The following HLCS variants were observed in gnomAD, a reference collection of about 807,000 sequenced individuals.
HLCS encodes biotin--protein ligase.
In HLCS, 53 loss-of-function variants were observed where a neutral mutation model predicts 75.0. The ratio of observed to expected loss-of-function variants is 0.71; its 90% CI spans 0.57 to 0.89. The LOEUF (loss-of-function observed/expected upper bound fraction) is 0.89. Ranked by LOEUF, HLCS falls within the 40% of genes least tolerant of loss-of-function variation. HLCS has a pLI of 0.00. For synonymous variants in HLCS, 431 were observed against 428.6 expected, an observed-to-expected ratio of 1.01 and a Z score of -0.07; for missense variants, 966 against 1,074.0, an observed-to-expected ratio of 0.90 and a Z score of 1.41.
intron 6 of HLCS, among the ~76,000 whole-genome samples, chr21:36,782,520 T>C (rs985671540): frequency 1.3e-5 from 2 of 152,104 alleles, no homozygotes; most frequent in Non-Finnish European, 2.9e-5. Context: ...CCTTAAGAGG[T>C]CTGGACCAGT....
At chr21:36,786,291 T>G (rs2083906916) in intron 6 of HLCS, among the ~76,000 whole-genome samples, 1 of 152,100 alleles carries the variant, frequency 6.6e-6, no homozygotes, top group Non-Finnish European at 1.5e-5. Context: ...AGCTTTTTTT[T>G]TTTTTAAATC....
chr21:36,967,844 C>T (rs374935006), upstream of HLCS, among the ~76,000 whole-genome samples: 119 of 151,620 alleles, frequency 7.8e-4, no homozygotes, highest in East Asian at 7.0e-3. Context: ...CTCAGCCTCC[C>T]GAGTAGCTGG....
At chr21:36,840,204 T>C (rs1321844102) in intron 6 of HLCS, among the ~76,000 whole-genome samples, 2 of 152,246 alleles carry the variant, frequency 1.3e-5, no homozygotes, top group Non-Finnish European at 2.9e-5. Flanking sequence ...AATAGCCATA[T>C]TGCCTAACAT....
chr21:36,965,607 G>C (rs2068525775), intron 1 of HLCS, among the ~76,000 whole-genome samples: 1 of 152,232 alleles, frequency 6.6e-6, no homozygotes, highest in African/African-American at 2.4e-5. Flanking sequence ...CCATCAGTCG[G>C]GTGCCCAAGT....
chr21:36,777,993 C>G (rs889064690), intron 6 of HLCS, among the ~76,000 whole-genome samples: 6 of 152,094 alleles, frequency 3.9e-5, no homozygotes, highest in Admixed American at 3.9e-4. Context: ...TTTGGAGACA[C>G]AGTCTCGCTC....
chr21:36,876,241 G>A lies in HLCS; in HGVS notation c.1892+20619C>T, dbSNP rs78142258. 3.6e-3 allele frequency among the ~76,000 whole-genome samples: 555 copies of A among 152,254 alleles called. 6 individuals are homozygous for A. The highest frequency in any genetic ancestry group is 0.012 in the African/African-American group (493 of 41,550). ...AGGGCTGAATGAGCCCAGCAGGCCCGAACAAAACTCAGGCAAAGGTACCAC... is the reference window on the plus strand; with the variant it reads ...AGGGCTGAATGAGCCCAGCAGGCCCAAACAAAACTCAGGCAAAGGTACCAC... On this transcript the variant is annotated intron_variant, in intron 6 of 10. Transcript: ENST00000674895.
chr21:36,947,266 A>C, intron 2 of HLCS: 1 of 756,914 alleles, frequency 1.3e-6, no homozygotes, highest in Non-Finnish European at 1.6e-6. Flanking sequence ...GAAGGACCGG[A>C]AGAGCCCAAA....
intron 6 of HLCS, among the ~76,000 whole-genome samples, chr21:36,880,614 A>G (rs2064167883): frequency 6.6e-6 from 1 of 152,174 alleles, no homozygotes; most frequent in African/African-American, 2.4e-5. Flanking sequence ...GAAAATAAAA[A>G]CCAGGAAAGC....
intron 6 of HLCS, among the ~76,000 whole-genome samples, chr21:36,887,761 C>A (rs2064534405): frequency 6.6e-6 from 1 of 152,202 alleles, no homozygotes; most frequent in South Asian, 2.1e-4. Flanking sequence ...TTATCCCAAG[C>A]AATCAACTTC....
intron 6 of HLCS, among the ~76,000 whole-genome samples, chr21:36,803,115 G>A (rs1403155145): frequency 1.3e-5 from 2 of 152,228 alleles, no homozygotes; most frequent in Non-Finnish European, 2.9e-5. Context: ...GATGGAGTTT[G>A]AAGACAGGTC....
intron 6 of HLCS, among the ~76,000 whole-genome samples, chr21:36,836,538 C>A (rs889118858): frequency 1.4e-5 from 2 of 147,384 alleles, no homozygotes; most frequent in Admixed American, 7.0e-5. Context: ...GTTCAATTCC[C>A]TGCACAGCAA....
At chr21:36,908,169 G>C (rs1276337458) in intron 5 of HLCS, among the ~76,000 whole-genome samples, 1 of 151,964 alleles carries the variant, frequency 6.6e-6, no homozygotes, top group Non-Finnish European at 1.5e-5. Context: ...AGGATTGCTT[G>C]AGCCCAGGAA....
chr21:36,972,472 G>C (rs965853219), intron 1 of HLCS, among the ~76,000 whole-genome samples: 6 of 152,114 alleles, frequency 3.9e-5, no homozygotes, highest in Non-Finnish European at 5.9e-5. Context: ...TTTCAGAATT[G>C]TTGACAGAAT....
chr21:36,767,329 G>A lies in HLCS; in HGVS notation c.1893-44C>T, dbSNP rs751283768. The A allele has an allele frequency of 8.2e-6, 13 of 1,582,092 alleles. No individual in the cohort carries two copies. The Admixed American group carries it at 1.2e-4, about 14-fold the overall frequency. On this transcript the variant is annotated intron_variant, in intron 6 of 10. Transcript: ENST00000674895. ...GACCGGTTAGGCCAGACATGGACAC[G>A]CCCGCGGCACCAATGGCTCACACAG... is the stretch of plus-strand genomic sequence containing the variant.
At chr21:36,964,807 C>CAATAT (rs2068482343) in intron 1 of HLCS, among the ~76,000 whole-genome samples, 1 of 152,204 alleles carries the variant, frequency 6.6e-6, no homozygotes. Context: ...TTCCCATCTC[C>CAATAT]ATGTTTTTAT....
At chr21:36,912,611 C>G (rs1338913979) in intron 5 of HLCS, among the ~76,000 whole-genome samples, 3 of 152,072 alleles carry the variant, frequency 2.0e-5, no homozygotes, top group Non-Finnish European at 4.4e-5. Flanking sequence ...ATTTACACCA[C>G]TGAATCGGAG....
At chr21:36,762,115 G>C (rs1202112096) in intron 8 of HLCS, among the ~76,000 whole-genome samples, 1 of 152,168 alleles carries the variant, frequency 6.6e-6, no homozygotes, top group Non-Finnish European at 1.5e-5. Flanking sequence ...CATAAAAAAA[G>C]ACCAAAATGA....
intron 6 of HLCS, among the ~76,000 whole-genome samples, chr21:36,791,929 AG>A (rs1036914429): frequency 2.3e-4 from 35 of 152,188 alleles, no homozygotes; most frequent in African/African-American, 7.7e-4. Context: ...TCACAAAGAA[AG>A]GGCTGGCTGG....
At chr21:36,847,894 AG>A (rs1293907820) in intron 6 of HLCS, among the ~76,000 whole-genome samples, 2 of 152,206 alleles carry the variant, frequency 1.3e-5, no homozygotes, top group Admixed American at 1.3e-4. Flanking sequence ...CAATGCATGC[AG>A]AAACCTTTTG....
Sources: gnomAD v4.1 joint callset for allele counts (sites outside exome capture counted in the v4.1 genomes callset) on GRCh38, gnomAD v4.1.1 for gene constraint, MANE v1.5 for transcripts, NCBI Gene and HGNC (gene_info 2026-07-23, HGNC 2026-07-21) for gene names.